Variants in ZSWIM3 observed in about 807,000 individuals in gnomAD.
ZSWIM3 encodes the protein zinc finger SWIM domain-containing protein 3.
A neutral mutation model predicts 47.5 loss-of-function variants in ZSWIM3; 27 were observed. That is an observed-to-expected ratio of 0.57 (90% CI 0.42 to 0.78). ZSWIM3 has a LOEUF of 0.78. Among genes scored for constraint, ZSWIM3 ranks in the 30% least tolerant of loss-of-function variants. The probability of loss-of-function intolerance (pLI) is 0.00; values close to 1 mark genes in which losing one functional copy is unlikely to be tolerated. For synonymous variants in ZSWIM3, 333 were observed against 333.9 expected (o/e 1.00, Z 0.03); for missense variants, 689 against 861.3 (o/e 0.80, Z 2.50).
chr20:45,875,388 C>G (rs1986067864), intron 1 of ZSWIM3, among the ~76,000 whole-genome samples: 1 of 151,880 alleles, frequency 6.6e-6, no homozygotes, highest in Non-Finnish European at 1.5e-5. Context: ...GTTGCCCAGG[C>G]TGATCTCAAG....
At chr20:45,872,597 A>C in intron 1 of ZSWIM3, 1 of 775,726 alleles carries the variant, frequency 1.3e-6, no homozygotes, top group South Asian at 1.7e-5. Flanking sequence ...CATTCCAGAC[A>C]AAGGGACAAA....
At chr20:45,864,691 A>G (rs746796620) in intron 1 of ZSWIM3, among the ~76,000 whole-genome samples, 1 of 150,432 alleles carries the variant, frequency 6.6e-6, no homozygotes, top group Non-Finnish European at 1.5e-5. Context: ...GGTGAAACCA[A>G]CTCTACTAAA....
intron 1 of ZSWIM3, among the ~76,000 whole-genome samples, chr20:45,865,765 A>C (rs1985823244): frequency 6.6e-6 from 1 of 152,034 alleles, no homozygotes; most frequent in Non-Finnish European, 1.5e-5. Context: ...TGAGAGGCCG[A>C]GGCGGGCAGA....
intron 1 of ZSWIM3, chr20:45,872,571 G>C (rs1985997876): frequency 2.0e-6 from 1 of 508,480 alleles, no homozygotes; most frequent in Middle Eastern, 3.5e-4. Flanking sequence ...CTTGCGAGGA[G>C]GGAAGGTAGG....
chr20:45,865,490 A>C (rs1985816626), intron 1 of ZSWIM3, among the ~76,000 whole-genome samples: 1 of 113,770 alleles, frequency 8.8e-6, no homozygotes, highest in African/African-American at 2.6e-5. Flanking sequence ...TCCATTTCAA[A>C]AAATAAAAAG....
At chr20:45,858,326 T>C (rs180744940) in intron 1 of ZSWIM3, among the ~76,000 whole-genome samples, 2 of 152,242 alleles carry the variant, frequency 1.3e-5, no homozygotes, top group African/African-American at 4.8e-5. Context: ...ATCAGTCTCC[T>C]CTTTACAAAA....
chr20:45,872,582 A>G, intron 1 of ZSWIM3: 1 of 597,546 alleles, frequency 1.7e-6, no homozygotes, highest in South Asian at 1.8e-5. Context: ...GGAAGGTAGG[A>G]AGGGCATTCC....
intron 1 of ZSWIM3, among the ~76,000 whole-genome samples, chr20:45,859,842 A>T (rs2145784538): frequency 6.6e-6 from 1 of 150,868 alleles, no homozygotes; most frequent in East Asian, 1.9e-4. Context: ...AACACCCTTC[A>T]GGAAGACCAT....
chr20:45,862,362 G>A (rs1985730572), intron 1 of ZSWIM3, among the ~76,000 whole-genome samples: 1 of 151,648 alleles, frequency 6.6e-6, no homozygotes, highest in Non-Finnish European at 1.5e-5. Flanking sequence ...TTGCGAGGAA[G>A]GTCTCAATCT....
chr20:45,872,756 A>G, intron 1 of ZSWIM3: 1 of 1,289,358 alleles, frequency 7.8e-7, no homozygotes, highest in Non-Finnish European at 1.0e-6. Flanking sequence ...TCGCTGTACT[A>G]CTGGACTGCT....
At chr20:45,860,376 G>A (rs1244661245) in intron 1 of ZSWIM3, among the ~76,000 whole-genome samples, 1 of 152,004 alleles carries the variant, frequency 6.6e-6, no homozygotes, top group African/African-American at 2.4e-5. Flanking sequence ...TTAGCTAGGC[G>A]AGGTGGCACA....
At position 45,878,479 on chromosome 20, in the gene ZSWIM3, C is replaced by T. The variant is rs761172793; in HGVS notation, c.1921C>T (p.Arg641Cys). The change falls in exon 2 of 2, where the codon CGC becomes TGC. Residue 641 changes from arginine (R) to cysteine (C), a missense_variant. Physicochemically the swap from Arg to Cys is radical, Grantham distance 180 (BLOSUM62 -3). Coordinates refer to ENST00000255152, the MANE Select transcript of ZSWIM3 (RefSeq NM_080752.4). ...MQTEGPELEE[R>C]YSTLRKIVDI... is the part of the protein sequence containing the mutation. ...GACCGAGGGGCCAGAGCTGGAGGAA[C>T]GCTACTCCACCCTGCGCAAGATTGT... 38 of 1,614,080 alleles carry T rather than the reference C, an allele frequency of 2.4e-5. No homozygotes were observed. The highest frequency in any genetic ancestry group is 3.0e-5 in the Non-Finnish European group (35 of 1,180,054).
chr20:45,876,863 A>C lies in ZSWIM3; in HGVS notation c.305A>C (p.His102Pro). ...AGTGAACTAAACACACAGCACATAC[A>C]TGGTGACTCTAAAGTGGCTAGTCCT... is the stretch of plus-strand genomic sequence containing the variant. ...FISELNTQHIHGDSKVASPGG... is the reference protein window; with the variant it reads ...FISELNTQHIPGDSKVASPGG... Residue 102 changes from histidine (H) to proline (P), a missense_variant, in exon 2 of 2, where the codon CAT (histidine) becomes CCT (proline). By Grantham distance (77) the His-to-Pro change is moderately conservative. Transcript: ENST00000255152. The C allele has an allele frequency of 6.2e-7, 1 of 1,614,188 alleles. No individual in the cohort carries two copies. Among genetic ancestry groups the C allele is most frequent in the East Asian group, 2.2e-5 (1 of 44,884 alleles).
At chr20:45,865,026 C>G (rs1985803084) in intron 1 of ZSWIM3, among the ~76,000 whole-genome samples, 1 of 151,300 alleles carries the variant, frequency 6.6e-6, no homozygotes. Flanking sequence ...AAAAATTTAT[C>G]CAGGCATGTA....
Position 45,878,398 on chromosome 20 carries a change from G to A in ZSWIM3, c.1840G>A (p.Gly614Arg), listed in dbSNP as rs540195429. 2 of 1,614,236 alleles carry A rather than the reference G, an allele frequency of 1.2e-6. No homozygotes were observed. Among genetic ancestry groups the A allele is most frequent in the East Asian group, 2.2e-5 (1 of 44,890 alleles). Residue 614 changes from glycine (G) to arginine (R), a missense_variant, in exon 2 of 2, where the codon GGA (glycine) becomes AGA (arginine). Gly to Arg is a moderately radical substitution (Grantham distance 125). Transcript: ENST00000255152. Reference protein sequence around the residue: ...VPNTGQPEKQGRNDMIQDLSR... With the variant: ...VPNTGQPEKQRRNDMIQDLSR... Reference sequence around the variant, plus strand: ...AAACACAGGCCAGCCTGAGAAGCAAGGACGGAACGACATGATTCAGGACCT... The same window carrying A: ...AAACACAGGCCAGCCTGAGAAGCAAAGACGGAACGACATGATTCAGGACCT...
At chr20:45,876,664 G>A (rs778021068) in intron 1 of ZSWIM3, 50 bp from the exon 2 acceptor site, 1 of 1,569,850 alleles carries the variant, frequency 6.4e-7, no homozygotes, top group Non-Finnish European at 8.6e-7. Context: ...TCTTTATAAG[G>A]GGTGGGGGGT....
At chr20:45,865,890 G>A (rs1601112649) in intron 1 of ZSWIM3, among the ~76,000 whole-genome samples, 1 of 151,826 alleles carries the variant, frequency 6.6e-6, no homozygotes, top group Non-Finnish European at 1.5e-5. Context: ...CTACTCCGGA[G>A]GGTGAGGCAG....
intron 1 of ZSWIM3, among the ~76,000 whole-genome samples, chr20:45,872,141 T>C (rs1054697026): frequency 6.6e-6 from 1 of 152,186 alleles, no homozygotes; most frequent in Admixed American, 6.5e-5. Context: ...AAAATGTAGA[T>C]GATAATAGAA....
rs1391383848 is a variant in ZSWIM3, at chr20:45,878,785, A to C, written c.*136A>C. 7 of 1,147,292 alleles carry C rather than the reference A, an allele frequency of 6.1e-6. No individual in the cohort carries two copies. Among genetic ancestry groups the C allele is most frequent in the Non-Finnish European group, 7.2e-6 (6 of 833,862 alleles). The allele number at this position is 1,147,292 out of a possible 1,614,324, so 71.1% of individuals were successfully genotyped here. On this transcript the variant is annotated 3_prime_UTR_variant, in exon 2 of 2. Transcript: ENST00000255152. ...GGGGCTAGGAATATTGTTACAGTAG[A>C]GAGGAAGGGAACTCCACTGTGTGAC... is the stretch of plus-strand genomic sequence containing the variant.
Sources: allele counts gnomAD v4.1 joint callset (sites outside exome capture counted in the v4.1 genomes callset), GRCh38; gene constraint gnomAD v4.1.1; transcripts MANE v1.5; gene names NCBI Gene and HGNC (gene_info 2026-07-23, HGNC 2026-07-21).